Variants in OTULIN observed in about 807,000 individuals in gnomAD.
OTULIN encodes OTU deubiquitinase with linear linkage specificity, also known as ubiquitin thioesterase otulin.
OTULIN carries 15 observed loss-of-function variants against 39.6 expected under a neutral mutation model. The observed-to-expected ratio is 0.38, with a 90% confidence interval of 0.25 to 0.58. The LOEUF (loss-of-function observed/expected upper bound fraction) is 0.58, where lower values mean the gene tolerates loss of function less well. Ranked by LOEUF, OTULIN falls within the 20% of genes least tolerant of loss-of-function variation. The probability of loss-of-function intolerance (pLI) is 0.66; values close to 1 mark genes in which losing one functional copy is unlikely to be tolerated. For missense variants in OTULIN, 319 were observed against 445.9 expected, an observed-to-expected ratio of 0.72 and a Z score of 2.56; for synonymous variants, 156 against 170.3, an observed-to-expected ratio of 0.92 and a Z score of 0.65.
chr5:14,691,739 G>GTAA (rs1736533595), intron 6 of OTULIN, among the ~76,000 whole-genome samples: 1 of 152,002 alleles, frequency 6.6e-6, no homozygotes, highest in Non-Finnish European at 1.5e-5. Flanking sequence ...ATGCCCATTA[G>GTAA]TAACCACTTT....
chr5:14,677,191 TA>T (rs944377061), intron 2 of OTULIN, among the ~76,000 whole-genome samples: 22 of 152,182 alleles, frequency 1.4e-4, no homozygotes, highest in Non-Finnish European at 2.8e-4. Flanking sequence ...TTTGTGCTCC[TA>T]ATCATCCTGG....
chr5:14,711,095 A>AAAAC, the OTULIN span: 2 of 1,101,622 alleles, frequency 1.8e-6, no homozygotes, highest in African/African-American at 3.1e-5. Flanking sequence ...TTACCAAAAC[A>AAAAC]AAACAAAAAA....
At chr5:14,713,195 A>AGCCCTTCCC in the OTULIN span, among the ~76,000 whole-genome samples, 1 of 152,100 alleles carries the variant, frequency 6.6e-6, no homozygotes, top group Non-Finnish European at 1.5e-5. This position sits in a 1 kb window ranked among gnomAD's most constrained non-coding sequence, Gnocchi z 4.4. Flanking sequence ...TGGATCCCAC[A>AGCCCTTCCC]GCCCTTCCCA....
intron 3 of OTULIN, among the ~76,000 whole-genome samples, chr5:14,680,241 G>A (rs1641110473): frequency 6.6e-6 from 1 of 152,180 alleles, no homozygotes; most frequent in Admixed American, 6.5e-5. Context: ...GGAACCTTAT[G>A]TGTTACAGTG....
intron 5 of OTULIN, chr5:14,688,061 C>G (rs976208040): frequency 6.6e-6 from 1 of 152,344 alleles, no homozygotes; most frequent in Admixed American, 6.5e-5. Flanking sequence ...TTTCTTTCTC[C>G]GTGATTTTCC....
chr5:14,715,679 T>G, the OTULIN span, among the ~76,000 whole-genome samples: 1 of 152,248 alleles, frequency 6.6e-6, no homozygotes, highest in African/African-American at 2.4e-5. Flanking sequence ...AATGTAGCTA[T>G]GCAAGCAGTT....
intron 1 of OTULIN, among the ~76,000 whole-genome samples, chr5:14,670,627 CA>C (rs1320461660): frequency 6.6e-6 from 1 of 152,110 alleles, no homozygotes; most frequent in East Asian, 1.9e-4. Context: ...TTTTTAGTGA[CA>C]GGGTCTCACT....
At chr5:14,676,250 A>G (rs545690650) in intron 2 of OTULIN, among the ~76,000 whole-genome samples, 12 of 152,140 alleles carry the variant, frequency 7.9e-5, no homozygotes, top group East Asian at 1.9e-4. Context: ...CTATTTTTCT[A>G]TTTTTTATTT....
chr5:14,687,253 C>G (rs258374), intron 4 of OTULIN, among the ~76,000 whole-genome samples: 107,190 of 152,004 alleles, frequency 0.71, 39,410 homozygotes, highest in Middle Eastern at 0.85. Flanking sequence ...ATGTCCTGGC[C>G]GTGGTTGGAG....
rs563067771 is a variant in OTULIN, at chr5:14,682,372, C to T, written c.468+765C>T. ...CAGCCACCCAATCTTCAACAGCCACCACCCTGTTCAGTTAGCAGCCATCAA... is the reference window on the plus strand; with the variant it reads ...CAGCCACCCAATCTTCAACAGCCACTACCCTGTTCAGTTAGCAGCCATCAA... On this transcript the variant is annotated intron_variant, in intron 4 of 6. Transcript: ENST00000284274. Among the ~76,000 whole-genome samples, 8 of 152,234 alleles carry T rather than the reference C, an allele frequency of 5.3e-5. No individual in the cohort carries two copies. The South Asian group carries it at 1.5e-3, about 28-fold the overall frequency.
At position 14,697,053 on chromosome 5, in the gene OTULIN, G is replaced by GT. The variant is rs1250271945; in HGVS notation, c.*4006dup. ...TTGCCCATGACCAGGAGGGGTGTGTGTGTGTGTGTGCATGTGTGTATATGC... is the reference window on the plus strand; with the variant it reads ...TTGCCCATGACCAGGAGGGGTGTGTGTTGTGTGTGTGCATGTGTGTATATGC... On this transcript the variant is annotated 3_prime_UTR_variant, in exon 7 of 7. Coordinates refer to ENST00000284274, the MANE Select transcript of OTULIN (RefSeq NM_138348.6). 8 of 152,480 alleles carry GT rather than the reference G, an allele frequency of 5.2e-5. No homozygotes were observed. In the East Asian group the frequency reaches 1.5e-3, roughly 29 times the overall value. The allele number at this position is 152,480 out of a possible 1,614,324, so 9.4% of individuals were successfully genotyped here. A position where few individuals can be genotyped will look rare whatever the true frequency, so the allele number is the denominator to read the frequency against.
chr5:14,678,727 C>CA lies in OTULIN; in HGVS notation c.282dup (p.Glu95ArgfsTer17), dbSNP rs1736168987. 2 of 1,600,818 alleles carry CA rather than the reference C, an allele frequency of 1.2e-6. No individual in the cohort carries two copies. The highest frequency in any genetic ancestry group is 2.3e-5 in the South Asian group (2 of 87,708). On this transcript the variant is annotated frameshift_variant, in exon 3 of 7. Coordinates refer to ENST00000284274, the MANE Select transcript of OTULIN (RefSeq NM_138348.6). LOFTEE classifies it high-confidence loss of function. ...CTGAAATGGATATCATGGACTACTG[C>CA]AAAAAAGAATGGAGAGGAAATACAC...
rs552866272 is a variant in OTULIN, at chr5:14,664,954, C to T, written c.129C>T (p.Pro43=). The change falls in exon 1 of 7, where the codon CCC becomes CCT. Residue 43 remains proline, a synonymous_variant. Coordinates refer to ENST00000284274, the MANE Select transcript of OTULIN (RefSeq NM_138348.6). ...CGGCGGCCAGCGGGCAGCCGCGGCC[C>T]GAGATGCAGTGCCCGGCCGAGCAGT... ...GKAAASGQPR[P]EMQCPAEHEE... The T allele has an allele frequency of 1.7e-3, 1,921 of 1,110,496 alleles. 25 individuals carry two copies. The African/African-American group carries it at 0.028, about 16-fold the overall frequency. The allele number at this position is 1,110,496 out of a possible 1,614,324, so 68.8% of individuals were successfully genotyped here. A position where few individuals can be genotyped will look rare whatever the true frequency, so the allele number is the denominator to read the frequency against.
intron 6 of OTULIN, 59 bp from the exon 7 acceptor site, chr5:14,692,795 G>A (rs779286313): frequency 4.6e-6 from 7 of 1,516,464 alleles, no homozygotes; most frequent in Non-Finnish European, 6.4e-6. Flanking sequence ...GGAACATGGT[G>A]TTAAGCCACG....
At chr5:14,684,446 A>T (rs1031234187) in intron 4 of OTULIN, among the ~76,000 whole-genome samples, 2 of 152,206 alleles carry the variant, frequency 1.3e-5, no homozygotes, top group Non-Finnish European at 2.9e-5. Flanking sequence ...TTGAGGGGCC[A>T]GTGAAGGAAG....
chr5:14,667,214 C>T (rs1275659341), intron 1 of OTULIN, among the ~76,000 whole-genome samples: 2 of 152,158 alleles, frequency 1.3e-5, no homozygotes, highest in Admixed American at 6.5e-5. Context: ...ATTAGACATT[C>T]GGGATGTGAC....
At position 14,685,038 on chromosome 5, in the gene OTULIN, G is replaced by C. The variant is rs71595912; in HGVS notation, c.469-2483G>C. 2.2e-3 allele frequency among the ~76,000 whole-genome samples: 330 copies of C among 152,336 alleles called. 3 individuals are homozygous for C. Among genetic ancestry groups the C allele is most frequent in the Middle Eastern group, 3.4e-3 (1 of 294 alleles). On this transcript the variant is annotated intron_variant, in intron 4 of 6. Transcript: ENST00000284274. ...TCATCTGACCCTCACCCCAGCTATG[G>C]AGATGGCCTAGCCTGGCTCTCAAAT... is the stretch of plus-strand genomic sequence containing the variant.
rs746761265 is a variant in OTULIN at position 14,678,694 on chromosome 5, C to T, written c.243C>T (p.Ser81=). The change falls in exon 3 of 7, where the codon AGC becomes AGT. Residue 81 remains serine (S), a synonymous_variant. Transcript: ENST00000284274. ...HERGASEPRL[S]VAPEMDIMDY... ...ATTCTTTAACAGAACCGAGATTAAG[C>T]GTAGCTCCTGAAATGGATATCATGG... 1.8e-5 allele frequency: 29 copies of T among 1,577,806 alleles called. No individual in the cohort carries two copies. Among genetic ancestry groups the T allele is most frequent in the East Asian group, 1.8e-4 (8 of 44,074 alleles).
chr5:14,694,374 T>A lies in OTULIN; in HGVS notation c.*1326T>A, dbSNP rs899657790. ...TGAATTGTCCTCAAGGGGTGTGGACTGCAGATGGTGTTCACATGAACCGGA... is the reference window on the plus strand; with the variant it reads ...TGAATTGTCCTCAAGGGGTGTGGACAGCAGATGGTGTTCACATGAACCGGA... On this transcript the variant is annotated 3_prime_UTR_variant, in exon 7 of 7. Transcript: ENST00000284274. 2 of 152,204 alleles carry A rather than the reference T, an allele frequency of 1.3e-5. No individual in the cohort carries two copies. Among genetic ancestry groups the A allele is most frequent in the African/African-American group, 4.8e-5 (2 of 41,438 alleles). 9.4% of individuals were successfully genotyped at this position (152,204 alleles called of 1,614,324 possible).
Sources: allele counts gnomAD v4.1 joint callset (sites outside exome capture counted in the v4.1 genomes callset), GRCh38; gene constraint gnomAD v4.1.1; non-coding constraint Gnocchi (gnomAD v3.1); transcripts MANE v1.5; gene names NCBI Gene and HGNC (gene_info 2026-07-23, HGNC 2026-07-21).